DUOXA1: variants seen among roughly 807,000 people sequenced by gnomAD.
DUOXA1 encodes the protein dual oxidase activator 1.
DUOXA1 carries 19 observed loss-of-function variants against 26.6 expected under a neutral mutation model. That is an observed-to-expected ratio of 0.71 (90% CI 0.50 to 1.05). The LOEUF is 1.05. Among genes scored for constraint, DUOXA1 ranks in the 50% least tolerant of loss-of-function variants. DUOXA1 has a pLI of 0.00. For missense variants in DUOXA1, 403 were observed against 427.5 expected (o/e 0.94, Z 0.51); for synonymous variants, 166 against 177.0 (o/e 0.94, Z 0.49).
At chr15:45,122,067 GAA>G in intron 5 of DUOXA1, 116 bp downstream of exon 5, 1 of 1,129,422 alleles carries the variant, frequency 8.9e-7, no homozygotes, top group Non-Finnish European at 1.3e-6. Context: ...GCAGGGTCTG[GAA>G]GCCACCCTGA....
Position 45,120,281 on chromosome 15 carries a change from G to T in DUOXA1, c.594C>A (p.Leu198=). ...FLCWLLANVM[L]SMPVLVYGGY... Reference sequence around the variant, plus strand: ...CACCATATACCAGCACAGGCATGGAGAGCATCACATTGGCCAGCAGCCAGC... The same window carrying T: ...CACCATATACCAGCACAGGCATGGATAGCATCACATTGGCCAGCAGCCAGC... The change falls in exon 8 of 9, where the codon CTC becomes CTA. Residue 198 remains leucine, a synonymous_variant. Transcript: ENST00000560572. 1 of 1,614,124 alleles carries T rather than the reference G, an allele frequency of 6.2e-7. No homozygotes were observed. Among genetic ancestry groups the T allele is most frequent in the Non-Finnish European group, 8.5e-7 (1 of 1,180,012 alleles).
rs752365433 is a variant in DUOXA1 at position 45,120,594 on chromosome 15, T to C, written c.552A>G (p.Leu184=). 1.2e-6 allele frequency: 2 copies of C among 1,613,718 alleles called. No homozygotes were observed. The highest frequency in any genetic ancestry group is 1.7e-6 in the Non-Finnish European group (2 of 1,179,652). The change falls in exon 7 of 9, where the codon CTA becomes CTG. Residue 184 remains leucine, a splice_region_variant and synonymous_variant. Transcript: ENST00000560572. ...CCCCGTCTCCTTCCCATCCTCACCATAGCATGGCTGAGGTGTAGTGTCCCG... is the reference window on the plus strand; with the variant it reads ...CCCCGTCTCCTTCCCATCCTCACCACAGCATGGCTGAGGTGTAGTGTCCCG... ...RLAGHYTSAM[L]WVAFLCWLLA...
At position 45,117,744 on chromosome 15, in the gene DUOXA1, C is replaced by T. The variant is rs1478764841; in HGVS notation, c.*1362G>A. 62 of 1,612,890 alleles carry T rather than the reference C, an allele frequency of 3.8e-5. No homozygotes were observed. The highest frequency in any genetic ancestry group is 4.9e-5 in the Non-Finnish European group (58 of 1,179,176). ...TCCTGTGCCTCTTCCTCGGAGGGGC[C>T]GTGGTGAGTCTCCAGTATGTTCGGC... On this transcript the variant is annotated 3_prime_UTR_variant, in exon 9 of 9. Coordinates refer to ENST00000560572, the MANE Select transcript of DUOXA1 (RefSeq NM_001276266.2).
chr15:45,122,180 C>G lies in DUOXA1; in HGVS notation c.205+5G>C. ...CAGCCCAAGTCAGCTGCACTTCGCA[C>G]TCACCCAGGATTGCAGCCCCGATGA... On this transcript the variant is annotated splice_donor_5th_base_variant and intron_variant, in intron 5 of 8. Coordinates refer to ENST00000560572, the MANE Select transcript of DUOXA1 (RefSeq NM_001276266.2). 1 of 1,598,440 alleles carries G rather than the reference C, an allele frequency of 6.3e-7. No homozygotes were observed. The highest frequency in any genetic ancestry group is 1.7e-5 in the Admixed American group (1 of 58,076).
At chr15:45,126,594 G>C (rs891046814) in intron 3 of DUOXA1, among the ~76,000 whole-genome samples, 1 of 152,320 alleles carries the variant, frequency 6.6e-6, no homozygotes, top group East Asian at 1.9e-4. Flanking sequence ...CTGAACATCT[G>C]TCTCCCAATT....
Position 45,121,175 on chromosome 15 carries a change from G to A in DUOXA1, c.252C>T (p.Asn84=), listed in dbSNP as rs778014979. ...CAGAACTGAAGGCCTTGTATGATGT[G>A]TTGGTGCTGACCTGGCCCACAGACC... The part of the protein sequence containing the change: ...SEWSVGQVST[N]TSYKAFSSEW... The change falls in exon 6 of 9, where the codon AAC becomes AAT. Residue 84 remains asparagine (N), a synonymous_variant. Coordinates refer to ENST00000560572, the MANE Select transcript of DUOXA1 (RefSeq NM_001276266.2). 6 of 1,614,176 alleles carry A rather than the reference G, an allele frequency of 3.7e-6. No homozygotes were observed. The South Asian group carries it at 6.6e-5, about 18-fold the overall frequency.
chr15:45,118,120 TAA>T lies in DUOXA1; in HGVS notation c.*984_*985del. ...GTTTTTTAAAAACTGTTTTTCCCATTAATTTTCATGGCTTCTCCGCGCCGGGG... is the reference window on the plus strand; with the variant it reads ...GTTTTTTAAAAACTGTTTTTCCCATTTTTTCATGGCTTCTCCGCGCCGGGG... On this transcript the variant is annotated 3_prime_UTR_variant, in exon 9 of 9. Coordinates refer to ENST00000560572, the MANE Select transcript of DUOXA1 (RefSeq NM_001276266.2). 1.8e-5 allele frequency: 26 copies of T among 1,456,112 alleles called. No individual in the cohort carries two copies. The Admixed American group carries it at 1.9e-4, about 10-fold the overall frequency. 90.2% of individuals were successfully genotyped at this position (1,456,112 alleles called of 1,614,324 possible).
chr15:45,127,183 T>C (rs1895746367), intron 3 of DUOXA1, among the ~76,000 whole-genome samples: 1 of 152,168 alleles, frequency 6.6e-6, no homozygotes, highest in South Asian at 2.1e-4. Context: ...AGATAGAAGA[T>C]AAAGCGAGGC....
chr15:45,119,561 C>T (rs1894947862), intron 8 of DUOXA1, among the ~76,000 whole-genome samples, 196 bp from the exon 9 acceptor site: 1 of 151,966 alleles, frequency 6.6e-6, no homozygotes, highest in African/African-American at 2.4e-5. Context: ...AGACTCCAAG[C>T]CCAGTGCTCC....
chr15:45,120,442 T>C, intron 7 of DUOXA1, 122 bp from the exon 8 acceptor site: 1 of 1,459,438 alleles, frequency 6.9e-7, no homozygotes, highest in Non-Finnish European at 9.6e-7. Flanking sequence ...TAGGGATTCC[T>C]TCCCATGGAC....
chr15:45,127,430 C>T (rs1895766409), intron 3 of DUOXA1, among the ~76,000 whole-genome samples: 1 of 152,128 alleles, frequency 6.6e-6, no homozygotes, highest in African/African-American at 2.4e-5. Context: ...AACTTATTTC[C>T]AGTTCTCCAA....
intron 3 of DUOXA1, among the ~76,000 whole-genome samples, chr15:45,123,967 GAA>G (rs924061565): frequency 2.6e-5 from 4 of 151,900 alleles, no homozygotes; most frequent in African/African-American, 9.6e-5. Flanking sequence ...AAATAAAGGG[GAA>G]AAAAAGTCTT....
chr15:45,120,121 A>G lies in DUOXA1; in HGVS notation c.754T>C (p.Trp252Arg). ...GTCTTACCTGTGGTCAATGTGATCC[A>G]GAAGGCAGGCCCATGGTGAGTATGC... ...VLHTHHGPAF[W>R]ITLTTGLLCV... The change falls in exon 8 of 9, where the codon TGG (tryptophan) becomes CGG (arginine). Residue 252 changes from tryptophan to arginine, a missense_variant. Coordinates refer to ENST00000560572, the MANE Select transcript of DUOXA1 (RefSeq NM_001276266.2). 1.2e-6 allele frequency: 2 copies of G among 1,614,030 alleles called. No individual in the cohort carries two copies. Among genetic ancestry groups the G allele is most frequent in the African/African-American group, 1.3e-5 (1 of 75,042 alleles).
At chr15:45,126,976 A>G (rs1566998876) in intron 3 of DUOXA1, among the ~76,000 whole-genome samples, 1 of 152,256 alleles carries the variant, frequency 6.6e-6, no homozygotes, top group Non-Finnish European at 1.5e-5. Flanking sequence ...ATACATCTCA[A>G]TCTTAGCTGA....
Position 45,117,617 on chromosome 15 carries a change from G to A in DUOXA1, c.*1489C>T, listed in dbSNP as rs1894734620. The A allele has an allele frequency of 3.1e-6, 5 of 1,613,510 alleles. No individual in the cohort carries two copies. The highest frequency in any genetic ancestry group is 1.1e-5 in the South Asian group (1 of 91,056). On this transcript the variant is annotated 3_prime_UTR_variant, in exon 9 of 9. Transcript: ENST00000560572. Reference sequence around the variant, plus strand: ...TGTAATCCCAGCACTTTGGGAGGTCGAGGCAGGAAGGTCGTTTGAGGCCAG... The same window carrying A: ...TGTAATCCCAGCACTTTGGGAGGTCAAGGCAGGAAGGTCGTTTGAGGCCAG...
chr15:45,120,924 TC>T, intron 6 of DUOXA1, 119 bp from the exon 7 acceptor site: 1 of 1,495,574 alleles, frequency 6.7e-7, no homozygotes, highest in African/African-American at 1.4e-5. Flanking sequence ...GAAGGTAGCT[TC>T]CAAGGCCCTG....
chr15:45,120,979 C>T (rs1895142955), intron 6 of DUOXA1, 108 bp downstream of exon 6: 2 of 1,553,964 alleles, frequency 1.3e-6, no homozygotes, highest in Non-Finnish European at 1.7e-6. Flanking sequence ...CCTCACACAT[C>T]CTCCCAGCCC....
Position 45,117,768 on chromosome 15 carries a change from G to A in DUOXA1, c.*1338C>T. ...CCGTGGTGAGTCTCCAGTATGTTCG[G>A]CCCAGCGCTCTTCGCACCCTTCTGG... is the stretch of plus-strand genomic sequence containing the variant. On this transcript the variant is annotated 3_prime_UTR_variant, in exon 9 of 9. Transcript: ENST00000560572. The A allele has an allele frequency of 1.2e-6, 2 of 1,613,862 alleles. No homozygotes were observed. The highest frequency in any genetic ancestry group is 2.2e-5 in the South Asian group (2 of 91,064).
intron 3 of DUOXA1, among the ~76,000 whole-genome samples, chr15:45,126,014 T>C (rs1238603961): frequency 3.3e-5 from 5 of 152,188 alleles, no homozygotes; most frequent in Non-Finnish European, 5.9e-5. Flanking sequence ...TGCTTTTTAT[T>C]CTATTGTCTT....
Sources: gnomAD v4.1 joint callset for allele counts (sites outside exome capture counted in the v4.1 genomes callset) on GRCh38, gnomAD v4.1.1 for gene constraint, MANE v1.5 for transcripts, NCBI Gene and HGNC (gene_info 2026-07-23, HGNC 2026-07-21) for gene names.